Variants in CTNNA2 observed in about 807,000 individuals in gnomAD.
CTNNA2 encodes the protein catenin alpha 2, also known as catenin alpha-2.
A neutral mutation model predicts 101.0 loss-of-function variants in CTNNA2; 42 were observed. The ratio of observed to expected loss-of-function variants is 0.42; its 90% CI spans 0.32 to 0.54. The LOEUF is 0.54. Ranked by LOEUF, CTNNA2 falls within the 20% of genes least tolerant of loss-of-function variation. CTNNA2 has a pLI of 0.14. For missense variants in CTNNA2, 871 were observed against 1,223.1 expected, an observed-to-expected ratio of 0.71 and a Z score of 4.29; for synonymous variants, 450 against 456.4, an observed-to-expected ratio of 0.99 and a Z score of 0.18.
chr2:79,823,963 C>T (rs1244803368), intron 3 of CTNNA2, among the ~76,000 whole-genome samples: 2 of 151,756 alleles, frequency 1.3e-5, no homozygotes, highest in South Asian at 2.1e-4. Flanking sequence ...CAAAACAGTG[C>T]TAAATGCAAG....
chr2:80,446,403 G>A (rs1475628425), intron 9 of CTNNA2, among the ~76,000 whole-genome samples: 3 of 152,160 alleles, frequency 2.0e-5, no homozygotes, highest in Non-Finnish European at 4.4e-5. Flanking sequence ...GTGCACACTC[G>A]ACCTGCTTAT....
chr2:80,060,304 T>C (rs1406031734), intron 7 of CTNNA2, among the ~76,000 whole-genome samples: 1 of 152,180 alleles, frequency 6.6e-6, no homozygotes, highest in Non-Finnish European at 1.5e-5. Context: ...CATAGATGGC[T>C]AAAGGCGGAC....
chr2:80,068,545 T>C (rs942705610), intron 7 of CTNNA2, among the ~76,000 whole-genome samples: 1 of 152,222 alleles, frequency 6.6e-6, no homozygotes, highest in African/African-American at 2.4e-5. Context: ...TCTTAATGTT[T>C]ATTAAAACAG....
At chr2:80,485,225 G>T (rs1026312489) in intron 9 of CTNNA2, among the ~76,000 whole-genome samples, 1 of 152,048 alleles carries the variant, frequency 6.6e-6, no homozygotes, top group Non-Finnish European at 1.5e-5. Flanking sequence ...AGGAAACTTT[G>T]ATCAGAATAT....
intron 14 of CTNNA2, among the ~76,000 whole-genome samples, chr2:80,588,431 C>T (rs1696158321): frequency 6.6e-6 from 1 of 152,182 alleles, no homozygotes; most frequent in African/African-American, 2.4e-5. Context: ...ATGTGCATGT[C>T]ACGCAACTCA....
chr2:80,376,502 T>G (rs1322894725), intron 7 of CTNNA2, among the ~76,000 whole-genome samples: 1 of 151,622 alleles, frequency 6.6e-6, no homozygotes, highest in Non-Finnish European at 1.5e-5. Context: ...ATTGTCTATG[T>G]AACATCCTTC....
At chr2:80,477,863 G>T (rs1264803334) in intron 9 of CTNNA2, among the ~76,000 whole-genome samples, 1 of 151,870 alleles carries the variant, frequency 6.6e-6, no homozygotes, top group South Asian at 2.1e-4. Flanking sequence ...ACACATGCAG[G>T]TATTTTTTGA....
At chr2:79,445,611 A>G (rs993200546) in intron 4 of CTNNA2, among the ~76,000 whole-genome samples, 1 of 152,124 alleles carries the variant, frequency 6.6e-6, no homozygotes, top group Non-Finnish European at 1.5e-5. Context: ...TGACCTAATC[A>G]CCTGTTGATT....
At chr2:79,452,629 A>G (rs1425872210) in intron 4 of CTNNA2, among the ~76,000 whole-genome samples, 1 of 152,050 alleles carries the variant, frequency 6.6e-6, no homozygotes, top group Non-Finnish European at 1.5e-5. Flanking sequence ...ATGGTCATTT[A>G]CTTCAGCCAT....
At chr2:79,499,165 C>T (rs1305040266) in intron 4 of CTNNA2, 3 of 152,174 alleles carry the variant, frequency 2.0e-5, no homozygotes, top group African/African-American at 4.8e-5. Flanking sequence ...GGAAGGTATC[C>T]TTTTCACTGA....
chr2:79,316,982 G>T (rs1250588302), intron 3 of CTNNA2, among the ~76,000 whole-genome samples: 1 of 151,932 alleles, frequency 6.6e-6, no homozygotes, highest in East Asian at 1.9e-4. Context: ...CTGATCTTAA[G>T]GGGAAAGCAT....
At chr2:80,537,772 T>C (rs1691169155) in intron 9 of CTNNA2, among the ~76,000 whole-genome samples, 1 of 152,084 alleles carries the variant, frequency 6.6e-6, no homozygotes, top group Admixed American at 6.5e-5. Context: ...TTAGTATTTT[T>C]AGTAGAGGTG....
chr2:80,584,426 A>C, intron 14 of CTNNA2, among the ~76,000 whole-genome samples: 2 of 90,422 alleles, frequency 2.2e-5, no homozygotes, highest in African/African-American at 4.4e-5. Flanking sequence ...GGGAGAGGAG[A>C]TAGGGGGCGG....
intron 4 of CTNNA2, among the ~76,000 whole-genome samples, chr2:79,859,103 G>A (rs1487689099): frequency 6.6e-6 from 1 of 151,798 alleles, no homozygotes; most frequent in Admixed American, 6.6e-5. Flanking sequence ...CACCAACTCT[G>A]GACTGATCGC....
At chr2:79,537,042 T>A (rs182422977) in intron 1 of CTNNA2, among the ~76,000 whole-genome samples, 1 of 152,266 alleles carries the variant, frequency 6.6e-6, no homozygotes, top group African/African-American at 2.4e-5. Context: ...TCTCATGTTG[T>A]TTACCTCACT....
intron 7 of CTNNA2, among the ~76,000 whole-genome samples, chr2:80,285,910 T>G (rs2149168287): frequency 6.6e-6 from 1 of 152,330 alleles, no homozygotes; most frequent in African/African-American, 2.4e-5. Context: ...CTTGCCTTTT[T>G]ATTTTTTCTT....
intron 4 of CTNNA2, among the ~76,000 whole-genome samples, chr2:79,457,909 T>G (rs919185866): frequency 4.6e-5 from 7 of 152,200 alleles, no homozygotes; most frequent in African/African-American, 1.7e-4. Flanking sequence ...GTCTGAAGCA[T>G]AGGACCAAGC....
At chr2:79,586,201 C>T (rs2103944251) in intron 1 of CTNNA2, among the ~76,000 whole-genome samples, 1 of 152,296 alleles carries the variant, frequency 6.6e-6, no homozygotes, top group East Asian at 1.9e-4. Flanking sequence ...GGCTTCTCCT[C>T]TTCTCTGTGG....
At position 80,261,984 on chromosome 2, in the gene CTNNA2, T is replaced by C. The variant is rs879940237; in HGVS notation, c.1057-131227T>C. ...GACTACTTGCTAGTCTGTTACTGTG[T>C]TGAAGTGTATTCTGTTAGTGCAATA... is the stretch of plus-strand genomic sequence containing the variant. On this transcript the variant is annotated intron_variant, in intron 7 of 18. Coordinates refer to ENST00000402739, the MANE Select transcript of CTNNA2 (RefSeq NM_001282597.3). 1.1e-3 allele frequency among the ~76,000 whole-genome samples: 163 copies of C among 152,336 alleles called. 2 individuals are homozygous for C. Among genetic ancestry groups the C allele is most frequent in the South Asian group, 4.3e-3 (21 of 4,834 alleles).
Sources: allele counts gnomAD v4.1 joint callset (sites outside exome capture counted in the v4.1 genomes callset), GRCh38; gene constraint gnomAD v4.1.1; transcripts MANE v1.5; gene names NCBI Gene and HGNC (gene_info 2026-07-23, HGNC 2026-07-21).